Variants in MYT1L observed in about 807,000 individuals in gnomAD.
The protein encoded by MYT1L is myelin transcription factor 1 like.
A neutral mutation model predicts 126.7 loss-of-function variants in MYT1L; 12 were observed. That is an observed-to-expected ratio of 0.09 (90% CI 0.06 to 0.15). MYT1L has a LOEUF of 0.15. MYT1L is among the 10% of genes least tolerant of loss of function. The pLI is 1.00. For missense variants in MYT1L, 979 were observed against 1,585.2 expected, an observed-to-expected ratio of 0.62 and a Z score of 6.49; for synonymous variants, 541 against 604.2, an observed-to-expected ratio of 0.90 and a Z score of 1.53.
intron 18 of MYT1L, among the ~76,000 whole-genome samples, chr2:1,883,183 G>T (rs549072588): frequency 3.2e-4 from 48 of 152,298 alleles, no homozygotes; most frequent in Non-Finnish European, 6.0e-4. Flanking sequence ...TAAAGGCATG[G>T]ATAATAAGGA....
Position 1,903,213 on chromosome 2 carries a change from G to A in MYT1L, c.1899C>T (p.Asn633=). Residue 633 remains asparagine (N), a synonymous_variant, in exon 14 of 25, where the codon AAC becomes AAT. Transcript: ENST00000647738. ...NNVPTTTPRS[N]LAKELEKYSK... ...AATATTTCTCGAGCTCCTTGGCCAG[G>A]TTGGAACGCGGCGTAGTTGTGGGGA... is the stretch of plus-strand genomic sequence containing the variant. The A allele has an allele frequency of 1.9e-6, 3 of 1,613,972 alleles. No homozygotes were observed. In the South Asian group the frequency reaches 3.3e-5, roughly 18 times the overall value.
At chr2:1,939,756 C>T (rs1017768278) in intron 9 of MYT1L, among the ~76,000 whole-genome samples, 8 of 152,172 alleles carry the variant, frequency 5.3e-5, no homozygotes, top group African/African-American at 1.7e-4. Context: ...AGATTTCTGA[C>T]CCTGATGGGG....
chr2:2,184,390 G>A (rs950892235), intron 2 of MYT1L, among the ~76,000 whole-genome samples: 1 of 152,178 alleles, frequency 6.6e-6, no homozygotes, highest in African/African-American at 2.4e-5. Flanking sequence ...TAAAGGTTGG[G>A]ACAGAACGGA....
intron 13 of MYT1L, among the ~76,000 whole-genome samples, chr2:1,907,312 G>A (rs1484745986): frequency 3.3e-5 from 5 of 152,190 alleles, no homozygotes; most frequent in South Asian, 2.1e-4. Context: ...AGATCTGTGC[G>A]GGGAGTGGGA....
chr2:1,799,367 G>A (rs547359340), intron 23 of MYT1L, among the ~76,000 whole-genome samples: 2 of 152,278 alleles, frequency 1.3e-5, no homozygotes, highest in East Asian at 3.9e-4. Flanking sequence ...AGGCACATGC[G>A]TTGTTCTTTA....
chr2:2,278,646 G>T (rs1246649383), intron 2 of MYT1L, among the ~76,000 whole-genome samples: 3 of 152,048 alleles, frequency 2.0e-5, no homozygotes, highest in East Asian at 1.9e-4. Context: ...AACACAGGCA[G>T]GACACTATTA....
At chr2:2,141,831 C>T (rs2084031743) in intron 3 of MYT1L, among the ~76,000 whole-genome samples, 1 of 152,120 alleles carries the variant, frequency 6.6e-6, no homozygotes, top group South Asian at 2.1e-4. Flanking sequence ...AACCTTAGTC[C>T]AGGAGCCTCC....
At chr2:2,330,560 G>A (rs778426981) in intron 1 of MYT1L, among the ~76,000 whole-genome samples, 1 of 152,048 alleles carries the variant, frequency 6.6e-6, no homozygotes, top group African/African-American at 2.4e-5. Flanking sequence ...CTTACCATCA[G>A]GTAAATTCAT....
Position 1,929,269 on chromosome 2 carries a change from C to T in MYT1L, c.506-6006G>A, listed in dbSNP as rs2054631812. The stretch of plus-strand genomic sequence containing the variant: ...AGCTGCCGGCAGCACAGGACATGGC[C>T]TGGCTCCGGGATCAGCTATTCTCAC... On this transcript the variant is annotated intron_variant, in intron 9 of 24. Transcript: ENST00000647738. The surrounding 1 kb of genome is among the most constrained non-coding windows in gnomAD (Gnocchi z 4.7). Among the ~76,000 whole-genome samples the T allele has an allele frequency of 6.6e-6, 1 of 152,166 alleles. No individual in the cohort carries two copies. The highest frequency in any genetic ancestry group is 2.1e-4 in the South Asian group (1 of 4,828).
At chr2:2,262,540 A>G (rs565597138) in intron 2 of MYT1L, among the ~76,000 whole-genome samples, 12 of 151,958 alleles carry the variant, frequency 7.9e-5, no homozygotes, top group Admixed American at 6.6e-4. Flanking sequence ...AAACTACAAA[A>G]AAATTAGCCG....
chr2:2,042,467 T>C (rs1163011357), intron 4 of MYT1L, among the ~76,000 whole-genome samples: 1 of 152,152 alleles, frequency 6.6e-6, no homozygotes, highest in Admixed American at 6.5e-5. Flanking sequence ...ATTATTTCCA[T>C]GCTCAAAGTC....
At chr2:2,289,452 T>C (rs1169739337) in intron 1 of MYT1L, among the ~76,000 whole-genome samples, 3 of 152,230 alleles carry the variant, frequency 2.0e-5, no homozygotes, top group African/African-American at 7.2e-5. Context: ...TGAGCTAATT[T>C]TTACATATAT....
At chr2:2,100,656 C>T (rs986942045) in intron 3 of MYT1L, among the ~76,000 whole-genome samples, 1 of 152,074 alleles carries the variant, frequency 6.6e-6, no homozygotes, top group African/African-American at 2.4e-5. Flanking sequence ...CTTCTCTGTT[C>T]CCCTAAGTGG....
At position 2,081,832 on chromosome 2, in the gene MYT1L, T is replaced by C. The variant is rs1833496; in HGVS notation, c.-303-27709A>G. On this transcript the variant is annotated intron_variant, in intron 3 of 24. Transcript: ENST00000647738. ...TTGGCTCACTGCAACCTCCGCCTCCTGGGTTCAAGCGATTCTCCTGCCTCA... is the reference window on the plus strand; with the variant it reads ...TTGGCTCACTGCAACCTCCGCCTCCCGGGTTCAAGCGATTCTCCTGCCTCA... 2.6e-3 allele frequency among the ~76,000 whole-genome samples: 395 copies of C among 152,194 alleles called. 9 individuals carry two copies. Among genetic ancestry groups the C allele is most frequent in the Admixed American group, 0.021 (317 of 15,276 alleles).
chr2:1,844,543 G>A (rs775457355), intron 19 of MYT1L, among the ~76,000 whole-genome samples: 5 of 152,258 alleles, frequency 3.3e-5, no homozygotes, highest in Non-Finnish European at 7.4e-5. Context: ...CAGGTATTGC[G>A]CCAAGGGAGA....
chr2:2,200,412 G>A (rs1233467376), intron 2 of MYT1L, among the ~76,000 whole-genome samples: 1 of 152,118 alleles, frequency 6.6e-6, no homozygotes, highest in Non-Finnish European at 1.5e-5. Context: ...GCTTCTGGAG[G>A]CCACCGGCAT....
chr2:1,996,567 A>G (rs1277608048), intron 5 of MYT1L, among the ~76,000 whole-genome samples: 2 of 137,108 alleles, frequency 1.5e-5, no homozygotes, highest in Non-Finnish European at 3.1e-5. Context: ...CCGAGTGTAG[A>G]CGGGCTGCCT....
At chr2:2,307,689 T>G (rs1441772600) in intron 1 of MYT1L, among the ~76,000 whole-genome samples, 3 of 151,982 alleles carry the variant, frequency 2.0e-5, no homozygotes, top group South Asian at 4.1e-4. Context: ...TTCAGCATAC[T>G]GTATCTATAC....
rs961094338 is a variant in MYT1L at position 2,252,672 on chromosome 2, A to G, written c.-421+31732T>C. On this transcript the variant is annotated intron_variant, in intron 2 of 24. Transcript: ENST00000647738. ...AAGACAGCAGCAGGGAGGGCCCGGC[A>G]TGCAAAGCTCCCCTGTCCCCACCAC... 5.3e-5 allele frequency among the ~76,000 whole-genome samples: 8 copies of G among 152,354 alleles called. No homozygotes were observed. The East Asian group carries it at 1.5e-3, about 29-fold the overall frequency.
Sources: gnomAD v4.1 joint callset for allele counts (sites outside exome capture counted in the v4.1 genomes callset) on GRCh38, gnomAD v4.1.1 for gene constraint, Gnocchi (gnomAD v3.1) non-coding constraint, MANE v1.5 for transcripts, NCBI Gene and HGNC (gene_info 2026-07-23, HGNC 2026-07-21) for gene names.